ZNF90: variants seen among roughly 807,000 people sequenced by gnomAD.
The protein encoded by ZNF90 is zinc finger protein 90.
ZNF90 carries 11 observed loss-of-function variants against 12.0 expected under a neutral mutation model. The observed-to-expected ratio is 0.92, with a 90% CI of 0.58 to 1.52. ZNF90 has a LOEUF of 1.52. Ranked by LOEUF, ZNF90 falls within the 40% of genes most tolerant of loss-of-function variation. ZNF90 has a pLI of 0.00. For synonymous variants in ZNF90, 232 were observed against 240.1 expected, an observed-to-expected ratio of 0.97 and a Z score of 0.31; for missense variants, 765 against 711.5, an observed-to-expected ratio of 1.08 and a Z score of -0.86.
chr19:20,097,934 A>G (rs1400026409), intron 1 of ZNF90, among the ~76,000 whole-genome samples: 7 of 152,238 alleles, frequency 4.6e-5, no homozygotes, highest in Non-Finnish European at 1.0e-4. Flanking sequence ...AATTTCTGAT[A>G]AACAACTTTG....
At chr19:20,081,336 G>A (rs1008024400) in intron 1 of ZNF90, among the ~76,000 whole-genome samples, 3 of 151,980 alleles carry the variant, frequency 2.0e-5, no homozygotes, top group Non-Finnish European at 2.9e-5. Flanking sequence ...TTACAAGTGA[G>A]TGCCACCACA....
intron 1 of ZNF90, among the ~76,000 whole-genome samples, chr19:20,083,229 C>G (rs2088834172): frequency 6.6e-6 from 1 of 152,078 alleles, no homozygotes; most frequent in Non-Finnish European, 1.5e-5. Flanking sequence ...GTCTCTGTGT[C>G]TCTTTCTTTT....
intron 1 of ZNF90, among the ~76,000 whole-genome samples, chr19:20,090,905 T>A (rs57929946): frequency 0.015 from 2,257 of 152,258 alleles, 52 homozygotes; most frequent in African/African-American, 0.052. Context: ...TAAAAGACCA[T>A]TAGTCCGTTC....
intron 1 of ZNF90, among the ~76,000 whole-genome samples, chr19:20,095,010 A>G: frequency 6.6e-6 from 1 of 152,022 alleles, no homozygotes. Context: ...GGAGGAGTGG[A>G]GGCTGAGGAA....
chr19:20,083,635 A>G (rs1555701765), intron 1 of ZNF90, among the ~76,000 whole-genome samples: 1 of 151,856 alleles, frequency 6.6e-6, no homozygotes, highest in Non-Finnish European at 1.5e-5. Flanking sequence ...GCTCTGCATT[A>G]GTTTTCTAAG....
At chr19:20,110,421 G>A (rs1164840568) in intron 3 of ZNF90, among the ~76,000 whole-genome samples, 12 of 152,022 alleles carry the variant, frequency 7.9e-5, no homozygotes, top group Admixed American at 5.9e-4. Flanking sequence ...TGGGATTACA[G>A]GCACCCACTA....
At chr19:20,080,546 GC>G (rs1458878980) in intron 1 of ZNF90, 1 of 225,184 alleles carries the variant, frequency 4.4e-6, no homozygotes, top group Non-Finnish European at 9.5e-6. Context: ...CCATCTCTCA[GC>G]GCTGGCTGGA....
chr19:20,117,232 T>C (rs1163224427), intron 3 of ZNF90, among the ~76,000 whole-genome samples: 1 of 151,944 alleles, frequency 6.6e-6, no homozygotes, highest in African/African-American at 2.4e-5. Flanking sequence ...TTAGTACAGA[T>C]GGGGTTTCAT....
intron 1 of ZNF90, among the ~76,000 whole-genome samples, chr19:20,098,799 T>C (rs2088967555): frequency 1.3e-5 from 2 of 152,204 alleles, no homozygotes; most frequent in Admixed American, 6.5e-5. Context: ...TCTGTCTCAG[T>C]GTAAGAGAAA....
At chr19:20,099,075 G>A (rs963060271) in intron 1 of ZNF90, among the ~76,000 whole-genome samples, 2 of 152,072 alleles carry the variant, frequency 1.3e-5, no homozygotes, top group African/African-American at 4.8e-5. Context: ...ACAAATACAC[G>A]TGTCCAAAAT....
chr19:20,103,924 TC>T (rs1173534121), intron 1 of ZNF90, among the ~76,000 whole-genome samples: 1 of 152,220 alleles, frequency 6.6e-6, no homozygotes, highest in African/African-American at 2.4e-5. Context: ...TGAAAAATAT[TC>T]ACAACTCATT....
intron 3 of ZNF90, among the ~76,000 whole-genome samples, chr19:20,106,311 T>C (rs1555704441): frequency 6.6e-6 from 1 of 152,120 alleles, no homozygotes; most frequent in African/African-American, 2.4e-5. Flanking sequence ...TTTTTACTTA[T>C]TTTTCTTCAA....
rs1555706128 is a variant in ZNF90, at chr19:20,118,740, C to G, written c.1186C>G (p.Pro396Ala). Residue 396 changes from proline to alanine, a missense_variant, in exon 4 of 4, where the codon CCC (proline) becomes GCC (alanine). Transcript: ENST00000418063. ...TAAGATAAGTCATAGTGAAAAGAAA[C>G]CCTACAAATGTGAAGAATGTGGCAA... Reference protein sequence around the residue: ...KHKISHSEKKPYKCEECGKAF... With the variant: ...KHKISHSEKKAYKCEECGKAF... 2 of 1,608,908 alleles carry G rather than the reference C, an allele frequency of 1.2e-6. No homozygotes were observed. Among genetic ancestry groups the G allele is most frequent in the Non-Finnish European group, 1.7e-6 (2 of 1,177,584 alleles).
At chr19:20,096,339 T>C (rs2088945336) in intron 1 of ZNF90, among the ~76,000 whole-genome samples, 1 of 152,178 alleles carries the variant, frequency 6.6e-6, no homozygotes, top group Admixed American at 6.5e-5. Context: ...CCAAATTTCA[T>C]GCATGTCCGT....
At position 20,093,366 on chromosome 19, in the gene ZNF90, G is replaced by C. The variant is rs151332943; in HGVS notation, c.4-10873G>C. ...AAAGCATGCTGTGGGATGGAATATT[G>C]GTGTTGAGCAGGGTAAGGGTGATTA... On this transcript the variant is annotated intron_variant, in intron 1 of 3. Transcript: ENST00000418063. 5.2e-3 allele frequency among the ~76,000 whole-genome samples: 797 copies of C among 152,286 alleles called. 28 individuals are homozygous for C. The highest frequency in any genetic ancestry group is 0.046 in the Admixed American group (698 of 15,304).
chr19:20,084,976 A>G (rs539870628), intron 1 of ZNF90, among the ~76,000 whole-genome samples: 99 of 152,272 alleles, frequency 6.5e-4, no homozygotes, highest in African/African-American at 2.4e-3. Flanking sequence ...TAGCTTCCTC[A>G]TGAAGTCTTT....
chr19:20,078,921 ACC>A, intron 1 of ZNF90, among the ~76,000 whole-genome samples: 1 of 151,896 alleles, frequency 6.6e-6, no homozygotes, highest in Admixed American at 6.6e-5. Context: ...AAATTTCTAG[ACC>A]AGCCTATCCA....
chr19:20,111,391 C>A (rs1462493680), intron 3 of ZNF90, among the ~76,000 whole-genome samples: 1 of 152,142 alleles, frequency 6.6e-6, no homozygotes, highest in South Asian at 2.1e-4. Flanking sequence ...GCTAGCTTTT[C>A]TGTATTTTTT....
chr19:20,090,571 A>G lies in ZNF90; in HGVS notation c.3+12436A>G, dbSNP rs1160622815. 4.6e-5 allele frequency among the ~76,000 whole-genome samples: 7 copies of G among 152,124 alleles called. 1 individual carries two copies. The highest frequency in any genetic ancestry group is 4.6e-4 in the Admixed American group (7 of 15,270). ...AGGGTCCCGTCCATCGAGGTTGTAG[A>G]GTTTGAGGGGTCAGATTCTTAACAA... On this transcript the variant is annotated intron_variant, in intron 1 of 3. Transcript: ENST00000418063.
Sources: allele counts gnomAD v4.1 joint callset (sites outside exome capture counted in the v4.1 genomes callset), GRCh38; gene constraint gnomAD v4.1.1; transcripts MANE v1.5; gene names NCBI Gene and HGNC (gene_info 2026-07-23, HGNC 2026-07-21).